Variants in PRKN observed in about 807,000 individuals in gnomAD.
The protein encoded by PRKN is E3 ubiquitin-protein ligase parkin.
Under a neutral mutation model 59.5 loss-of-function variants are expected in PRKN, and 56 were observed. The observed-to-expected ratio is 0.94, with a 90% confidence interval of 0.76 to 1.18. The LOEUF (loss-of-function observed/expected upper bound fraction) is 1.18. PRKN is among the 50% of genes most tolerant of loss of function. The pLI is 0.00. For synonymous variants in PRKN, 250 were observed against 222.1 expected, an observed-to-expected ratio of 1.13 and a Z score of -1.12; for missense variants, 657 against 596.4, an observed-to-expected ratio of 1.10 and a Z score of -1.06.
intron 7 of PRKN, among the ~76,000 whole-genome samples, chr6:161,624,311 T>C (rs1024758336): frequency 2.6e-5 from 4 of 152,204 alleles, no homozygotes; most frequent in Non-Finnish European, 2.9e-5. Context: ...TCTTAAAACT[T>C]TCCTGAAGAC....
chr6:162,231,107 C>T (rs774589015), intron 3 of PRKN, among the ~76,000 whole-genome samples: 9 of 152,076 alleles, frequency 5.9e-5, no homozygotes, highest in Non-Finnish European at 1.0e-4. Context: ...GATAAATATG[C>T]CTCCCTCTCT....
At chr6:161,898,765 G>C (rs1186184886) in intron 6 of PRKN, among the ~76,000 whole-genome samples, 2 of 152,196 alleles carry the variant, frequency 1.3e-5, no homozygotes, top group Admixed American at 6.5e-5. Context: ...GATAATTTTG[G>C]TGATTCCCCC....
chr6:162,623,426 G>A (rs927961442), intron 1 of PRKN, among the ~76,000 whole-genome samples: 3 of 152,160 alleles, frequency 2.0e-5, no homozygotes, highest in South Asian at 2.1e-4. Context: ...GTTCGTTTGA[G>A]CTTTCTGACA....
At chr6:161,918,222 T>C (rs1778648155) in intron 6 of PRKN, among the ~76,000 whole-genome samples, 1 of 152,206 alleles carries the variant, frequency 6.6e-6, no homozygotes, top group Non-Finnish European at 1.5e-5. Flanking sequence ...ATATTTACCA[T>C]GGAAACAACA....
At chr6:162,153,562 C>T (rs919709892) in intron 4 of PRKN, among the ~76,000 whole-genome samples, 2 of 152,068 alleles carry the variant, frequency 1.3e-5, no homozygotes, top group African/African-American at 2.4e-5. Flanking sequence ...TTGGGGTACC[C>T]GCACTTGTTG....
At chr6:162,103,718 C>A (rs963571623) in intron 4 of PRKN, among the ~76,000 whole-genome samples, 8 of 152,090 alleles carry the variant, frequency 5.3e-5, no homozygotes, top group African/African-American at 1.2e-4. Flanking sequence ...GGGCAGTGGG[C>A]CTTCTGAGCC....
intron 7 of PRKN, among the ~76,000 whole-genome samples, chr6:161,732,816 T>C (rs1787779202): frequency 6.6e-6 from 1 of 152,134 alleles, no homozygotes; most frequent in Non-Finnish European, 1.5e-5. Flanking sequence ...CTTTGCATTG[T>C]CTCGATGACC....
At chr6:161,767,485 C>G (rs1323707965) in intron 7 of PRKN, among the ~76,000 whole-genome samples, 1 of 151,204 alleles carries the variant, frequency 6.6e-6, no homozygotes, top group Non-Finnish European at 1.5e-5. Flanking sequence ...CCACTGCACT[C>G]CCGCCTGGGC....
chr6:161,893,523 G>C (rs1777494233), intron 6 of PRKN, among the ~76,000 whole-genome samples: 1 of 152,172 alleles, frequency 6.6e-6, no homozygotes, highest in Non-Finnish European at 1.5e-5. Context: ...TTATCACTAC[G>C]TTACTGTTGC....
In PRKN at chr6:162,304,543, CTATT is replaced by C. The variant is rs1435811610; in HGVS notation, c.172-41782_172-41779del. Among the ~76,000 whole-genome samples, 570 of 115,546 alleles carry C rather than the reference CTATT, an allele frequency of 4.9e-3. 36 individuals are homozygous for C. The highest frequency in any genetic ancestry group is 6.9e-3 in the Non-Finnish European group (392 of 57,074). 75.8% of individuals were successfully genotyped at this position (115,546 alleles called of 152,430 possible). Reference sequence around the variant, plus strand: ...TCTATCTATCTATCTATCTATCTATCTATTTATCCATCTGTCCATTTATCTATCT... The same window carrying C: ...TCTATCTATCTATCTATCTATCTATCTATCCATCTGTCCATTTATCTATCT... On this transcript the variant is annotated intron_variant, in intron 2 of 11. Coordinates refer to ENST00000366898, the MANE Select transcript of PRKN (RefSeq NM_004562.3).
intron 4 of PRKN, among the ~76,000 whole-genome samples, chr6:162,196,897 G>C (rs1583183696): frequency 6.6e-6 from 1 of 152,204 alleles, no homozygotes; most frequent in East Asian, 1.9e-4. Context: ...AAAAACTTTA[G>C]AAGATTACCA....
At chr6:162,148,379 G>GAAA (rs60226088) in intron 4 of PRKN, among the ~76,000 whole-genome samples, 1 of 150,716 alleles carries the variant, frequency 6.6e-6, no homozygotes, top group African/African-American at 2.4e-5. Context: ...CTAAGAGCTT[G>GAAA]AAAAAAAAAG....
chr6:161,490,031 A>G (rs1404813760), intron 9 of PRKN, among the ~76,000 whole-genome samples: 2 of 152,206 alleles, frequency 1.3e-5, no homozygotes, highest in African/African-American at 4.8e-5. Flanking sequence ...CAAGCCCCAT[A>G]AAGAAGGTAG....
chr6:161,493,305 A>G (rs1196366647), intron 9 of PRKN, among the ~76,000 whole-genome samples: 2 of 152,232 alleles, frequency 1.3e-5, no homozygotes, highest in African/African-American at 4.8e-5. Flanking sequence ...TCACTTAACC[A>G]TCAAAACTGC....
intron 2 of PRKN, among the ~76,000 whole-genome samples, chr6:162,353,455 A>C (rs537398520): frequency 1.4e-3 from 213 of 152,276 alleles, no homozygotes; most frequent in Admixed American, 3.0e-3. Flanking sequence ...TACATAAAAT[A>C]AATGTTAAAT....
At chr6:162,051,805 G>GA (rs1262407619) in intron 5 of PRKN, among the ~76,000 whole-genome samples, 1 of 152,146 alleles carries the variant, frequency 6.6e-6, no homozygotes, top group Non-Finnish European at 1.5e-5. Context: ...AGCAAATCCA[G>GA]ACTGTCCTGT....
intron 1 of PRKN, among the ~76,000 whole-genome samples, chr6:162,592,158 C>T (rs1657717229): frequency 6.6e-6 from 1 of 152,084 alleles, no homozygotes; most frequent in African/African-American, 2.4e-5. Context: ...CATCACCACG[C>T]CCGGGTAATT....
intron 10 of PRKN, among the ~76,000 whole-genome samples, chr6:161,382,611 CG>C (rs1562409559): frequency 1.3e-5 from 2 of 152,084 alleles, no homozygotes; most frequent in African/African-American, 4.8e-5. Flanking sequence ...AACTGGAACA[CG>C]GGGAGGAGAA....
chr6:161,560,218 C>T lies in PRKN; in HGVS notation c.933+9137G>A, dbSNP rs1006624882. 6.6e-6 allele frequency among the ~76,000 whole-genome samples: 1 copy of T among 152,180 alleles called. No homozygotes were observed. The highest frequency in any genetic ancestry group is 2.4e-5 in the African/African-American group (1 of 41,452). ...TGATAAACTAACTGCCCTGTATAAT[C>T]AGCCTTTTGAAAGGTTTCCCTGTCC... On this transcript the variant is annotated intron_variant, in intron 8 of 11. Transcript: ENST00000366898. This position sits in a 1 kb window ranked among gnomAD's most constrained non-coding sequence, Gnocchi z 4.9.
Sources: gnomAD v4.1 joint callset for allele counts (sites outside exome capture counted in the v4.1 genomes callset) on GRCh38, gnomAD v4.1.1 for gene constraint, Gnocchi (gnomAD v3.1) non-coding constraint, MANE v1.5 for transcripts, NCBI Gene and HGNC (gene_info 2026-07-23, HGNC 2026-07-21) for gene names.